Variants in GSG1L observed in about 807,000 individuals in gnomAD.
GSG1L encodes GSG1 like.
In GSG1L, 24 loss-of-function variants were observed where a neutral mutation model predicts 42.1. The ratio of observed to expected loss-of-function variants is 0.57; its 90% CI spans 0.41 to 0.80. The LOEUF is 0.80. Among genes scored for constraint, GSG1L ranks in the 30% least tolerant of loss-of-function variants. The probability of loss-of-function intolerance (pLI) is 0.00; values close to 1 mark genes in which losing one functional copy is unlikely to be tolerated. For missense variants in GSG1L, 445 were observed against 472.2 expected (o/e 0.94, Z 0.53); for synonymous variants, 215 against 203.5 (o/e 1.06, Z -0.48).
At chr16:27,911,278 T>A (rs944727447) in intron 2 of GSG1L, among the ~76,000 whole-genome samples, 1 of 132,760 alleles carries the variant, frequency 7.5e-6, no homozygotes, top group Admixed American at 7.6e-5. Flanking sequence ...TCTCTCTCTC[T>A]CTCTCTCTCT....
chr16:28,017,672 A>T (rs925427771), intron 1 of GSG1L, among the ~76,000 whole-genome samples: 3 of 152,262 alleles, frequency 2.0e-5, no homozygotes, highest in Non-Finnish European at 4.4e-5. Context: ...ACACATCAAC[A>T]TGCACAAACT....
At chr16:27,819,790 G>A (rs540900997) in intron 5 of GSG1L, among the ~76,000 whole-genome samples, 2 of 152,262 alleles carry the variant, frequency 1.3e-5, no homozygotes, top group South Asian at 4.1e-4. Context: ...GAAAGATGGG[G>A]GTCCTGTTAC....
At chr16:27,967,184 A>G (rs934746763) in intron 1 of GSG1L, among the ~76,000 whole-genome samples, 14 of 152,240 alleles carry the variant, frequency 9.2e-5, no homozygotes, top group African/African-American at 2.7e-4. Context: ...TTGTCTGCTT[A>G]GAGCTTCCTA....
intron 4 of GSG1L, among the ~76,000 whole-genome samples, chr16:27,838,585 G>A (rs1056088505): frequency 3.3e-5 from 5 of 152,146 alleles, no homozygotes; most frequent in Non-Finnish European, 5.9e-5. Context: ...AGGGACACAG[G>A]GGGAGCAGAT....
intron 2 of GSG1L, among the ~76,000 whole-genome samples, chr16:27,907,673 C>T (rs1266381030): frequency 2.6e-5 from 4 of 152,232 alleles, no homozygotes; most frequent in African/African-American, 9.6e-5. Flanking sequence ...GAGCAATTAA[C>T]CTTTCTGCAG....
chr16:28,035,069 C>T (rs139609039), intron 1 of GSG1L, among the ~76,000 whole-genome samples: 60 of 152,286 alleles, frequency 3.9e-4, no homozygotes, highest in African/African-American at 1.3e-3. Context: ...GGCTGGAGTG[C>T]AGTGGCATGA....
intron 1 of GSG1L, among the ~76,000 whole-genome samples, chr16:28,030,857 CTGGGATGGGA>C (rs1156452839): frequency 2.4e-5 from 2 of 84,010 alleles, no homozygotes; most frequent in South Asian, 4.5e-4. Context: ...ATTGGATAGA[CTGGGATGGGA>C]TGGGATGGGA....
At chr16:27,792,554 G>T (rs1018280459) in intron 6 of GSG1L, among the ~76,000 whole-genome samples, 5 of 151,984 alleles carry the variant, frequency 3.3e-5, no homozygotes, top group Admixed American at 3.3e-4. Flanking sequence ...TGTACCTCCC[G>T]CCGAATCAAA....
intron 1 of GSG1L, among the ~76,000 whole-genome samples, chr16:27,986,727 A>T (rs2085388736): frequency 6.6e-6 from 1 of 152,194 alleles, no homozygotes; most frequent in Non-Finnish European, 1.5e-5. Flanking sequence ...CCCAGGATCC[A>T]GTGTAAAAGT....
intron 4 of GSG1L, among the ~76,000 whole-genome samples, chr16:27,840,766 C>G (rs917521838): frequency 6.6e-6 from 1 of 152,186 alleles, no homozygotes; most frequent in African/African-American, 2.4e-5. Flanking sequence ...CCACCTGGGT[C>G]TCCTGGAACA....
At chr16:28,038,423 C>T (rs551676676) in intron 1 of GSG1L, among the ~76,000 whole-genome samples, 4 of 152,312 alleles carry the variant, frequency 2.6e-5, no homozygotes, top group African/African-American at 7.2e-5. Context: ...GAACCCACAA[C>T]CCCAGAGTCC....
intron 4 of GSG1L, among the ~76,000 whole-genome samples, chr16:27,835,592 C>A (rs1353145548): frequency 3.1e-4 from 46 of 147,620 alleles, no homozygotes; most frequent in Admixed American, 3.1e-3. Flanking sequence ...TTTCTTTTTT[C>A]TTGTGTTCCC....
At chr16:27,996,346 G>T (rs1479811220) in intron 1 of GSG1L, among the ~76,000 whole-genome samples, 1 of 152,042 alleles carries the variant, frequency 6.6e-6, no homozygotes, top group African/African-American at 2.4e-5. Flanking sequence ...TCCATTTCTT[G>T]GAACTCATCT....
In GSG1L at chr16:28,056,421, T is replaced by C. The variant is rs551181376; in HGVS notation, c.349+6655A>G. The stretch of plus-strand genomic sequence containing the variant: ...TCACTTATAGGTGGGAATTGAACAA[T>C]GAGAACACATGGACACAGGAAGGGG... On this transcript the variant is annotated intron_variant, in intron 1 of 6. Transcript: ENST00000447459. Among the ~76,000 whole-genome samples the C allele has an allele frequency of 2.3e-3, 285 of 123,656 alleles. 1 individual carries two copies. The highest frequency in any genetic ancestry group is 8.7e-3 in the African/African-American group (272 of 31,376). 81.1% of individuals were successfully genotyped at this position (123,656 alleles called of 152,430 possible). A position where few individuals can be genotyped will look rare whatever the true frequency, so the allele number is the denominator to read the frequency against.
At chr16:28,008,997 C>T (rs187820523) in intron 1 of GSG1L, among the ~76,000 whole-genome samples, 1 of 152,244 alleles carries the variant, frequency 6.6e-6, no homozygotes, top group East Asian at 1.9e-4. Context: ...TTAGTAGAGA[C>T]AGGGTTTCGT....
intron 2 of GSG1L, among the ~76,000 whole-genome samples, chr16:27,944,969 C>A (rs572402595): frequency 6.7e-6 from 1 of 148,688 alleles, no homozygotes; most frequent in Non-Finnish European, 1.5e-5. Flanking sequence ...CTCAGATACT[C>A]GGGAGGCTGA....
At chr16:27,843,291 G>C (rs183388685) in intron 4 of GSG1L, among the ~76,000 whole-genome samples, 1 of 152,134 alleles carries the variant, frequency 6.6e-6, no homozygotes, top group South Asian at 2.1e-4. Context: ...CTAATGCCAC[G>C]CTCTGGACCA....
chr16:27,879,115 G>T (rs561224837), intron 3 of GSG1L, among the ~76,000 whole-genome samples: 1 of 152,312 alleles, frequency 6.6e-6, no homozygotes, highest in African/African-American at 2.4e-5. Context: ...CAGAACCCAA[G>T]ATTGGAGTCT....
chr16:28,030,710 G>A (rs169525), intron 1 of GSG1L, among the ~76,000 whole-genome samples: 30,896 of 150,730 alleles, frequency 0.2, 3,584 homozygotes, highest in South Asian at 0.48. Flanking sequence ...CCAGGAACTC[G>A]GGACCATAGG....
Sources: allele counts gnomAD v4.1 joint callset (sites outside exome capture counted in the v4.1 genomes callset), GRCh38; gene constraint gnomAD v4.1.1; transcripts MANE v1.5; gene names NCBI Gene and HGNC (gene_info 2026-07-23, HGNC 2026-07-21).